The following IMPG1 variants were observed in gnomAD, a reference collection of about 807,000 sequenced individuals.
The protein encoded by IMPG1 is interphotoreceptor matrix proteoglycan of 150 kDa.
IMPG1 carries 85 observed loss-of-function variants against 92.0 expected under a neutral mutation model. That is an observed-to-expected ratio of 0.92 (90% CI 0.78 to 1.11). The LOEUF (loss-of-function observed/expected upper bound fraction) is 1.11. Ranked by LOEUF, IMPG1 falls within the 50% of genes least tolerant of loss-of-function variation. The pLI, the probability that IMPG1 is intolerant of heterozygous loss-of-function variation, is 0.00. For synonymous variants in IMPG1, 367 were observed against 334.1 expected (o/e 1.10, Z -1.08); for missense variants, 1,022 against 956.0 (o/e 1.07, Z -0.91).
chr6:76,038,842 G>T (rs1283133978), intron 2 of IMPG1, among the ~76,000 whole-genome samples: 1 of 152,214 alleles, frequency 6.6e-6, no homozygotes. Flanking sequence ...AAGAACCCCA[G>T]GGAGCACATA....
chr6:75,950,861 T>A lies in IMPG1; in HGVS notation c.1525A>T (p.Ser509Cys). Residue 509 changes from serine (S) to cysteine (C), a missense_variant, in exon 13 of 17, where the codon AGT (serine) becomes TGT (cysteine). This residue lies in a region of IMPG1 where 9 missense variants were observed against 26.2 expected (regional missense o/e 0.34). Coordinates refer to ENST00000369950, the MANE Select transcript of IMPG1 (RefSeq NM_001563.4). The stretch of plus-strand genomic sequence containing the variant: ...CTGACCATATCTTCGCCACCTGCAC[T>A]TGATCGGCTGTCATCTGAAGATGCA... ...PPASSDDSRS[S>C]AGGEDMVRHL... is the part of the protein sequence containing the mutation. 6.2e-7 allele frequency: 1 copy of A among 1,613,984 alleles called. No homozygotes were observed.
At chr6:75,923,811 AATAG>A (rs756389787) in intron 15 of IMPG1, 105 bp from the exon 16 acceptor site, 18 of 644,632 alleles carry the variant, frequency 2.8e-5, no homozygotes, top group East Asian at 5.7e-5. Context: ...GACAAGTGAA[AATAG>A]ATAGCATATT....
At chr6:76,058,766 C>T (rs374261870) in intron 1 of IMPG1, among the ~76,000 whole-genome samples, 1 of 152,150 alleles carries the variant, frequency 6.6e-6, no homozygotes, top group Non-Finnish European at 1.5e-5. Flanking sequence ...TAGGGCCTAG[C>T]TAACTTTATA....
intron 12 of IMPG1, among the ~76,000 whole-genome samples, chr6:75,964,154 T>C (rs1384939070): frequency 6.6e-6 from 1 of 152,142 alleles, no homozygotes; most frequent in Non-Finnish European, 1.5e-5. Context: ...ATGCATATAG[T>C]TCTGGGCATT....
chr6:75,936,759 C>A (rs1029689980), intron 14 of IMPG1, among the ~76,000 whole-genome samples: 1 of 152,194 alleles, frequency 6.6e-6, no homozygotes, highest in Non-Finnish European at 1.5e-5. Context: ...TGGATTGGCA[C>A]TAGGGTGGTG....
chr6:76,057,837 A>G (rs1294887838), intron 1 of IMPG1, among the ~76,000 whole-genome samples: 1 of 152,142 alleles, frequency 6.6e-6, no homozygotes, highest in Non-Finnish European at 1.5e-5. Context: ...AAAATTTTTA[A>G]TATAACATTG....
In IMPG1 at chr6:76,025,204, G is replaced by T; in HGVS notation, c.552C>A (p.Val184=). The T allele has an allele frequency of 1.3e-6, 2 of 1,594,410 alleles. No homozygotes were observed. Among genetic ancestry groups the T allele is most frequent in the South Asian group, 2.2e-5 (2 of 90,148 alleles). ...KTLGEPGETI[V]ISTDVANVSL... Reference sequence around the variant, plus strand: ...TAGATCTAAGCTTACCTGTTGAAATGACAATGGTTTCACCAGGCTCTCCCA... The same window carrying T: ...TAGATCTAAGCTTACCTGTTGAAATTACAATGGTTTCACCAGGCTCTCCCA... Residue 184 remains valine (V), a synonymous_variant, in exon 5 of 17, where the codon GTC becomes GTA. Transcript: ENST00000369950.
intron 4 of IMPG1, among the ~76,000 whole-genome samples, chr6:76,028,938 G>T (rs1390995028): frequency 4.6e-5 from 7 of 152,356 alleles, no homozygotes; most frequent in Non-Finnish European, 8.8e-5. Flanking sequence ...TTAACTTACG[G>T]CAATATAGTT....
intron 12 of IMPG1, among the ~76,000 whole-genome samples, chr6:75,968,051 CT>C (rs962915019): frequency 6.6e-6 from 1 of 152,182 alleles, no homozygotes; most frequent in Admixed American, 6.5e-5. Flanking sequence ...ATATGAAAAT[CT>C]GTCCAAGAAG....
intron 1 of IMPG1, among the ~76,000 whole-genome samples, chr6:76,060,504 G>A (rs920642872): frequency 1.2e-4 from 18 of 152,118 alleles, no homozygotes; most frequent in African/African-American, 3.1e-4. Context: ...TGGAAGTTGC[G>A]TTGGACTCAA....
chr6:75,950,161 C>T (rs1781999204), intron 13 of IMPG1, among the ~76,000 whole-genome samples: 1 of 152,160 alleles, frequency 6.6e-6, no homozygotes, highest in South Asian at 2.1e-4. Flanking sequence ...AACTCTCAGC[C>T]TCATCTGTGC....
intron 12 of IMPG1, among the ~76,000 whole-genome samples, chr6:75,964,208 G>A (rs540423931): frequency 1.3e-5 from 2 of 152,280 alleles, no homozygotes; most frequent in South Asian, 4.1e-4. Flanking sequence ...GCAAAAGCAC[G>A]AAGAGAAGGC....
chr6:75,931,290 A>G (rs1781665577), intron 14 of IMPG1, 139 bp from the exon 15 acceptor site: 1 of 700,850 alleles, frequency 1.4e-6, no homozygotes, highest in Non-Finnish European at 2.4e-6. Context: ...ATCAGACTGG[A>G]GGGAAAAGAA....
intron 4 of IMPG1, among the ~76,000 whole-genome samples, chr6:76,026,777 A>T (rs1022996058): frequency 6.6e-6 from 1 of 151,810 alleles, no homozygotes; most frequent in African/African-American, 2.4e-5. Context: ...CCCCTTTAGC[A>T]GGCCAGACCC....
At chr6:76,045,422 C>A (rs1465632016) in intron 1 of IMPG1, among the ~76,000 whole-genome samples, 1 of 149,260 alleles carries the variant, frequency 6.7e-6, no homozygotes, top group African/African-American at 2.5e-5. Context: ...GTTCTCTTGG[C>A]TGAACAAACA....
chr6:76,001,226 A>G (rs1336380672), intron 12 of IMPG1, among the ~76,000 whole-genome samples: 1 of 152,212 alleles, frequency 6.6e-6, no homozygotes, highest in South Asian at 2.1e-4. Flanking sequence ...AATCTACCTG[A>G]AATGCTAATC....
rs1485653753 is a variant in IMPG1, at chr6:75,947,295, C to T, written c.2044+19G>A. On this transcript the variant is annotated intron_variant, in intron 14 of 16. Transcript: ENST00000369950. ...ATGAACAAAACATCTCTACCACTTTCTGGGTTGGATTCTTTTACCTGGTTC... is the reference window on the plus strand; with the variant it reads ...ATGAACAAAACATCTCTACCACTTTTTGGGTTGGATTCTTTTACCTGGTTC... 6.3e-7 allele frequency: 1 copy of T among 1,575,950 alleles called. No homozygotes were observed. Among genetic ancestry groups the T allele is most frequent in the Non-Finnish European group, 8.7e-7 (1 of 1,146,048 alleles).
chr6:75,924,493 T>C (rs1781489820), intron 15 of IMPG1, among the ~76,000 whole-genome samples: 1 of 97,374 alleles, frequency 1.0e-5, no homozygotes, highest in African/African-American at 4.2e-5. Flanking sequence ...TATAATATAA[T>C]ATAATTATAT....
chr6:76,068,637 C>A (rs1350425641), intron 1 of IMPG1, among the ~76,000 whole-genome samples: 1 of 151,364 alleles, frequency 6.6e-6, no homozygotes, highest in Non-Finnish European at 1.5e-5. Flanking sequence ...CTGCCTCAGC[C>A]TCCCAAGTAC....
Sources: gnomAD v4.1 joint callset for allele counts (sites outside exome capture counted in the v4.1 genomes callset) on GRCh38, gnomAD v4.1.1 for gene constraint, gnomAD v4.1.1 regional missense constraint, MANE v1.5 for transcripts, NCBI Gene and HGNC (gene_info 2026-07-23, HGNC 2026-07-21) for gene names.